Variants in PDCL2 observed in about 807,000 individuals in gnomAD.
PDCL2 encodes the protein phosducin like 2.
Under a neutral mutation model 30.3 loss-of-function variants are expected in PDCL2, and 23 were observed. The ratio of observed to expected loss-of-function variants is 0.76; its 90% CI spans 0.55 to 1.08. PDCL2 has a LOEUF of 1.08. PDCL2 is among the 50% of genes least tolerant of loss of function. PDCL2 has a pLI of 0.00. For synonymous variants in PDCL2, 68 were observed against 86.2 expected (o/e 0.79, Z 1.17); for missense variants, 243 against 282.3 (o/e 0.86, Z 1.00).
intron 1 of PDCL2, among the ~76,000 whole-genome samples, chr4:55,587,952 T>G (rs1732904810): frequency 6.6e-6 from 1 of 152,246 alleles, no homozygotes; most frequent in Admixed American, 6.5e-5. Flanking sequence ...TTACCTGTGC[T>G]TTTGGTGTCA....
chr4:55,581,537 TA>T (rs931257886), intron 2 of PDCL2, among the ~76,000 whole-genome samples: 2 of 152,154 alleles, frequency 1.3e-5, no homozygotes, highest in Non-Finnish European at 2.9e-5. Context: ...AAATAGATGG[TA>T]ATAAGGCAGA....
intron 3 of PDCL2, among the ~76,000 whole-genome samples, chr4:55,573,384 T>A (rs1182358970): frequency 6.6e-6 from 1 of 152,228 alleles, no homozygotes; most frequent in Admixed American, 6.5e-5. Context: ...TCTCCTTTTT[T>A]GAATATTACA....
intron 5 of PDCL2, among the ~76,000 whole-genome samples, chr4:55,559,596 T>C (rs1166698234): frequency 1.3e-5 from 2 of 152,214 alleles, no homozygotes; most frequent in Non-Finnish European, 2.9e-5. Context: ...GAAGACCAGA[T>C]AGTTCTTTTT....
intron 4 of PDCL2, among the ~76,000 whole-genome samples, chr4:55,568,702 A>C (rs1456726064): frequency 1.3e-5 from 2 of 152,276 alleles, no homozygotes; most frequent in African/African-American, 2.4e-5. Context: ...ACAACTGAAA[A>C]GAAACAGACA....
At chr4:55,575,558 A>G (rs1732543986) in intron 3 of PDCL2, among the ~76,000 whole-genome samples, 1 of 152,212 alleles carries the variant, frequency 6.6e-6, no homozygotes. Flanking sequence ...TATAAACTCA[A>G]GTGTCCAACA....
chr4:55,582,604 C>T (rs1477899989), intron 1 of PDCL2, among the ~76,000 whole-genome samples: 1 of 152,020 alleles, frequency 6.6e-6, no homozygotes, highest in Non-Finnish European at 1.5e-5. Flanking sequence ...GATGAACTTC[C>T]TTTTTTCTTT....
intron 4 of PDCL2, among the ~76,000 whole-genome samples, chr4:55,565,357 A>C (rs1367416703): frequency 6.6e-6 from 1 of 152,146 alleles, no homozygotes; most frequent in African/African-American, 2.4e-5. Flanking sequence ...ATTATAAAGG[A>C]AAGAGGTTTA....
At chr4:55,565,074 A>T (rs934268849) in intron 4 of PDCL2, among the ~76,000 whole-genome samples, 3 of 152,212 alleles carry the variant, frequency 2.0e-5, no homozygotes, top group Non-Finnish European at 4.4e-5. Flanking sequence ...GAACTCTGCT[A>T]TGATACACAC....
chr4:55,570,929 A>C (rs1732405178), intron 3 of PDCL2, among the ~76,000 whole-genome samples: 1 of 152,212 alleles, frequency 6.6e-6, no homozygotes, highest in Admixed American at 6.5e-5. Context: ...GGCATCTGAC[A>C]CATTGCTGAT....
intron 3 of PDCL2, among the ~76,000 whole-genome samples, chr4:55,579,030 G>C (rs569539236): frequency 1.4e-4 from 21 of 152,186 alleles, no homozygotes; most frequent in African/African-American, 4.8e-4. Context: ...ATTTGTTCAT[G>C]TATTAAGTTA....
intron 1 of PDCL2, among the ~76,000 whole-genome samples, chr4:55,584,540 A>G (rs1490331169): frequency 6.6e-6 from 1 of 152,166 alleles, no homozygotes; most frequent in African/African-American, 2.4e-5. Context: ...TACAGGTATG[A>G]GCCACCATGC....
rs574505126 is a variant in PDCL2 at position 55,578,448 on chromosome 4, T to C, written c.218+2373A>G. Among the ~76,000 whole-genome samples the C allele has an allele frequency of 6.6e-5, 10 of 152,354 alleles. No homozygotes were observed. In the South Asian group the frequency reaches 1.7e-3, roughly 25 times the overall value. Reference sequence around the variant, plus strand: ...TGCCATTTACCAGCCAAGTTTTCACTTGGAAACTACAAGCATTCAATATTC... The same window carrying C: ...TGCCATTTACCAGCCAAGTTTTCACCTGGAAACTACAAGCATTCAATATTC... On this transcript the variant is annotated intron_variant, in intron 3 of 5. Coordinates refer to ENST00000295645, the MANE Select transcript of PDCL2 (RefSeq NM_152401.3).
intron 5 of PDCL2, among the ~76,000 whole-genome samples, chr4:55,561,709 C>A (rs1267641877): frequency 6.6e-6 from 1 of 151,958 alleles, no homozygotes. Context: ...AAAGAGATGA[C>A]CTTAGGAAGT....
intron 3 of PDCL2, among the ~76,000 whole-genome samples, chr4:55,570,943 G>C (rs1732405286): frequency 6.6e-6 from 1 of 152,106 alleles, no homozygotes; most frequent in Admixed American, 6.5e-5. Context: ...TGCTGATTCT[G>C]TAGAGTCTGC....
chr4:55,563,363 A>G (rs1732182157), intron 4 of PDCL2, among the ~76,000 whole-genome samples: 1 of 151,658 alleles, frequency 6.6e-6, no homozygotes, highest in Non-Finnish European at 1.5e-5. Context: ...TTCTCCAAAG[A>G]CTCTTTCTCC....
chr4:55,568,266 C>A (rs559982520), intron 4 of PDCL2, among the ~76,000 whole-genome samples: 1 of 152,236 alleles, frequency 6.6e-6, no homozygotes, highest in South Asian at 2.1e-4. Flanking sequence ...AAGGACTGAA[C>A]GAGAGAAACA....
At chr4:55,569,640 C>A (rs751745170) in intron 4 of PDCL2, 78 bp downstream of exon 4, 1 of 1,138,706 alleles carries the variant, frequency 8.8e-7, no homozygotes, top group Admixed American at 3.0e-5. Flanking sequence ...CTGTTATATA[C>A]TTTGTAAAAC....
chr4:55,558,663 T>C (rs1188074052), intron 5 of PDCL2, among the ~76,000 whole-genome samples: 2 of 152,138 alleles, frequency 1.3e-5, no homozygotes, highest in Non-Finnish European at 2.9e-5. Flanking sequence ...TTTAAAACTC[T>C]TAGAAGAAAG....
In PDCL2 at chr4:55,592,153, T is replaced by C; in HGVS notation, c.-44A>G. On this transcript the variant is annotated 5_prime_UTR_variant, in exon 1 of 6. Coordinates refer to ENST00000295645, the MANE Select transcript of PDCL2 (RefSeq NM_152401.3). ...TCAAGAGCCCGCGTCGTCCTGCAGC[T>C]GGCGAGGCGCCACGGATGGAGACCC... is the stretch of plus-strand genomic sequence containing the variant. The C allele has an allele frequency of 6.2e-7, 1 of 1,604,342 alleles. No individual in the cohort carries two copies. Among genetic ancestry groups the C allele is most frequent in the Non-Finnish European group, 8.5e-7 (1 of 1,176,100 alleles).
Sources: allele counts gnomAD v4.1 joint callset (sites outside exome capture counted in the v4.1 genomes callset), GRCh38; gene constraint gnomAD v4.1.1; transcripts MANE v1.5; gene names NCBI Gene and HGNC (gene_info 2026-07-23, HGNC 2026-07-21).